The following ALPK1 variants were observed in gnomAD, a reference collection of about 807,000 sequenced individuals.
The protein encoded by ALPK1 is alpha kinase 1.
In ALPK1, 110 loss-of-function variants were observed where a neutral mutation model predicts 120.6. The observed-to-expected ratio is 0.91, with a 90% CI of 0.78 to 1.07. The LOEUF is 1.07. Among genes scored for constraint, ALPK1 ranks in the 50% least tolerant of loss-of-function variants. The pLI is 0.00. For missense variants in ALPK1, 1,498 were observed against 1,483.9 expected, an observed-to-expected ratio of 1.01 and a Z score of -0.16; for synonymous variants, 582 against 560.3, an observed-to-expected ratio of 1.04 and a Z score of -0.55.
chr4:112,399,783 G>A (rs1732827426), intron 4 of ALPK1, among the ~76,000 whole-genome samples: 1 of 152,048 alleles, frequency 6.6e-6, no homozygotes, highest in African/African-American at 2.4e-5. Flanking sequence ...GGTGTGTGAT[G>A]TTCCCCTCCC....
chr4:112,422,810 G>C (rs1005529378), intron 5 of ALPK1, among the ~76,000 whole-genome samples: 5 of 152,206 alleles, frequency 3.3e-5, no homozygotes, highest in Admixed American at 2.0e-4. Flanking sequence ...AGAGGCCTTG[G>C]GGGAGGGCCT....
chr4:112,419,545 A>C (rs964807616), intron 5 of ALPK1, among the ~76,000 whole-genome samples: 3 of 152,124 alleles, frequency 2.0e-5, no homozygotes, highest in Admixed American at 1.3e-4. Flanking sequence ...GGATGAAAGG[A>C]AAGAGGTAGA....
chr4:112,404,974 T>C (rs1265797687), intron 4 of ALPK1, among the ~76,000 whole-genome samples: 1 of 152,208 alleles, frequency 6.6e-6, no homozygotes, highest in African/African-American at 2.4e-5. Flanking sequence ...CACTGGGTGA[T>C]AGAAACGCAA....
intron 2 of ALPK1, among the ~76,000 whole-genome samples, chr4:112,354,303 T>C (rs1730500046): frequency 6.6e-6 from 1 of 152,256 alleles, no homozygotes; most frequent in African/African-American, 2.4e-5. Flanking sequence ...TATTCTCTTT[T>C]ACACACTGTG....
intron 4 of ALPK1, among the ~76,000 whole-genome samples, chr4:112,407,964 G>A (rs778877996): frequency 8.6e-5 from 13 of 151,934 alleles, no homozygotes; most frequent in South Asian, 2.1e-4. Context: ...AAAATTAGCC[G>A]GGCGTGGTGG....
intron 1 of ALPK1, among the ~76,000 whole-genome samples, chr4:112,301,651 A>G (rs1727792574): frequency 6.6e-6 from 1 of 152,212 alleles, no homozygotes; most frequent in South Asian, 2.1e-4. Context: ...AGCACTTGTG[A>G]TAGAGACTTG....
At chr4:112,362,608 A>G (rs1332171356) in intron 2 of ALPK1, among the ~76,000 whole-genome samples, 1 of 152,218 alleles carries the variant, frequency 6.6e-6, no homozygotes, top group East Asian at 1.9e-4. Flanking sequence ...TAAACCTACA[A>G]ATAATTGGTA....
chr4:112,411,542 C>A (rs557911357), intron 4 of ALPK1, among the ~76,000 whole-genome samples: 8 of 152,090 alleles, frequency 5.3e-5, no homozygotes, highest in East Asian at 3.9e-4. Flanking sequence ...TTACCCTATG[C>A]GCTTTAGTAT....
chr4:112,421,503 T>G (rs938700479), intron 5 of ALPK1, among the ~76,000 whole-genome samples: 1 of 152,152 alleles, frequency 6.6e-6, no homozygotes, highest in African/African-American at 2.4e-5. Context: ...TGCCCCAGGT[T>G]TTAATATTTT....
chr4:112,412,615 G>T (rs1034175330), intron 5 of ALPK1, among the ~76,000 whole-genome samples: 1 of 151,852 alleles, frequency 6.6e-6, no homozygotes, highest in Non-Finnish European at 1.5e-5. Flanking sequence ...CTGGGGGGAG[G>T]GGGGCCTGCT....
intron 2 of ALPK1, among the ~76,000 whole-genome samples, chr4:112,354,624 T>C (rs4833403): frequency 0.74 from 112,441 of 151,952 alleles, 41,972 homozygotes; most frequent in Middle Eastern, 0.84. Context: ...TGAGCCACCA[T>C]ACCCACCTAA....
At chr4:112,410,247 A>G (rs1306758801) in intron 4 of ALPK1, among the ~76,000 whole-genome samples, 1 of 152,014 alleles carries the variant, frequency 6.6e-6, no homozygotes, top group Non-Finnish European at 1.5e-5. Context: ...GTTTCCTAAC[A>G]TAGAGTCAGG....
rs769809255 is a variant in ALPK1, at chr4:112,430,875, A to G, written c.1328A>G (p.Lys443Arg). ...VPESFECRLD[K>R]LILHGQGDFQ... Reference sequence around the variant, plus strand: ...GAGAGTTTCGAGTGCAGGTTGGATAAACTTATCTTGCATGGGCAAGGGGAT... The same window carrying G: ...GAGAGTTTCGAGTGCAGGTTGGATAGACTTATCTTGCATGGGCAAGGGGAT... Residue 443 changes from lysine (K) to arginine (R), a missense_variant, in exon 11 of 16, where the codon AAA becomes AGA. Lys to Arg is a conservative substitution (Grantham distance 26). Coordinates refer to ENST00000650871, the MANE Select transcript of ALPK1 (RefSeq NM_025144.4). 3.7e-6 allele frequency: 6 copies of G among 1,614,192 alleles called. No individual in the cohort carries two copies. In the Admixed American group the frequency reaches 1.0e-4, roughly 27 times the overall value.
intron 1 of ALPK1, among the ~76,000 whole-genome samples, chr4:112,299,014 A>G (rs180963967): frequency 2.6e-5 from 4 of 152,262 alleles, no homozygotes; most frequent in Admixed American, 2.0e-4. Context: ...TTGAATATCT[A>G]TGGATTGAAG....
intron 1 of ALPK1, among the ~76,000 whole-genome samples, chr4:112,311,864 C>T (rs1238883750): frequency 6.6e-6 from 1 of 152,188 alleles, no homozygotes; most frequent in Admixed American, 6.5e-5. Context: ...GGATGTCCAG[C>T]TTTAAAGTAA....
rs757050351 is a variant in ALPK1 at position 112,431,656 on chromosome 4, T to C, written c.2109T>C (p.Asn703=). ...CAGAAGGTATCCAGGAAGTCAGAAA[T>C]ATGGGACCCAGAAATACTTCTGCTC... The part of the protein sequence containing the change: ...GAPEGIQEVR[N]MGPRNTSAHS... The change falls in exon 11 of 16, where the codon AAT becomes AAC. Residue 703 remains asparagine (N), a synonymous_variant. Coordinates refer to ENST00000650871, the MANE Select transcript of ALPK1 (RefSeq NM_025144.4). The C allele has an allele frequency of 1.1e-5, 17 of 1,614,142 alleles. No homozygotes were observed. The East Asian group carries it at 3.3e-4, about 32-fold the overall frequency.
In ALPK1 at chr4:112,425,675, G is replaced by A; in HGVS notation, c.546G>A (p.Leu182=). 3 of 1,612,686 alleles carry A rather than the reference G, an allele frequency of 1.9e-6. No individual in the cohort carries two copies. The highest frequency in any genetic ancestry group is 3.3e-5 in the Admixed American group (2 of 59,996). The change falls in exon 7 of 16, where the codon CTG becomes CTA. Residue 182 remains leucine (L), a synonymous_variant. Transcript: ENST00000650871. ...ISNNGATGTW[L]YRNESDKVLV... ...CATCTTTTCTTTTAGGTACCTGGCT[G>A]TACAGAAATGAAAGTGACAAGGTCC...
At chr4:112,420,939 T>C (rs1733965595) in intron 5 of ALPK1, among the ~76,000 whole-genome samples, 1 of 152,042 alleles carries the variant, frequency 6.6e-6, no homozygotes, top group Non-Finnish European at 1.5e-5. Flanking sequence ...TTCAAGCAAT[T>C]CTCCTGTCTC....
At chr4:112,397,311 A>G (rs558699714) in intron 4 of ALPK1, among the ~76,000 whole-genome samples, 9 of 152,158 alleles carry the variant, frequency 5.9e-5, no homozygotes, top group South Asian at 2.1e-4. Flanking sequence ...TATCAGCTCA[A>G]TTCTGGAGCT....
Sources: gnomAD v4.1 joint callset for allele counts (sites outside exome capture counted in the v4.1 genomes callset) on GRCh38, gnomAD v4.1.1 for gene constraint, MANE v1.5 for transcripts, NCBI Gene and HGNC (gene_info 2026-07-23, HGNC 2026-07-21) for gene names.